Variants in ADAMTSL1 observed in about 807,000 individuals in gnomAD.
The protein encoded by ADAMTSL1 is ADAMTS like 1.
Under a neutral mutation model 201.8 loss-of-function variants are expected in ADAMTSL1, and 126 were observed. The observed-to-expected ratio is 0.62, with a 90% CI of 0.54 to 0.72. The LOEUF is 0.72. Ranked by LOEUF, ADAMTSL1 falls within the 30% of genes least tolerant of loss-of-function variation. ADAMTSL1 has a pLI of 0.00. For missense variants in ADAMTSL1, 2,679 were observed against 2,277.8 expected (o/e 1.18, Z -3.59); for synonymous variants, 1,121 against 903.4 (o/e 1.24, Z -4.32).
At chr9:18,399,232 A>T (rs1389546016) in intron 2 of ADAMTSL1, among the ~76,000 whole-genome samples, 1 of 140,640 alleles carries the variant, frequency 7.1e-6, no homozygotes, top group Non-Finnish European at 1.5e-5. Flanking sequence ...TCACAAACTT[A>T]AGGATTGAAG....
chr9:18,806,091 G>C (rs143129786), intron 20 of ADAMTSL1, among the ~76,000 whole-genome samples: 2 of 152,196 alleles, frequency 1.3e-5, no homozygotes, highest in African/African-American at 2.4e-5. Flanking sequence ...GACTTACAAT[G>C]TTAAAGGAAT....
chr9:18,243,952 C>G (rs1035665567), intron 2 of ADAMTSL1, among the ~76,000 whole-genome samples: 2 of 152,038 alleles, frequency 1.3e-5, no homozygotes, highest in Non-Finnish European at 2.9e-5. Flanking sequence ...CAGTCATATG[C>G]TCTTCTTCAA....
At chr9:18,396,761 A>G (rs912305756) in intron 2 of ADAMTSL1, among the ~76,000 whole-genome samples, 3 of 152,116 alleles carry the variant, frequency 2.0e-5, no homozygotes, top group Admixed American at 1.3e-4. Flanking sequence ...TTTAAACTCT[A>G]TTAGTTCACT....
At chr9:18,254,073 T>A (rs1451801381) in intron 2 of ADAMTSL1, among the ~76,000 whole-genome samples, 2 of 152,160 alleles carry the variant, frequency 1.3e-5, no homozygotes, top group Non-Finnish European at 2.9e-5. Flanking sequence ...GAGCCTGAGC[T>A]CTGGAGTCAG....
rs755381340 is a variant in ADAMTSL1, at chr9:18,817,173, C to T, written c.3870C>T (p.Val1290=). Residue 1290 remains valine, a synonymous_variant, in exon 21 of 29, where the codon GTC becomes GTT. Coordinates refer to ENST00000380548, the MANE Select transcript of ADAMTSL1 (RefSeq NM_001040272.6). ...ACACGGAGAAGCCTGCAGTCACAGT[C>T]GATATAGGAAGCACCATCAAAACAG... ...VINTEKPAVT[V]DIGSTIKTVQ... The T allele has an allele frequency of 2.5e-6, 4 of 1,587,674 alleles. No individual in the cohort carries two copies. The highest frequency in any genetic ancestry group is 1.3e-5 in the African/African-American group (1 of 74,492).
chr9:18,012,564 G>A (rs1215093321), intron 1 of ADAMTSL1, among the ~76,000 whole-genome samples: 2 of 152,026 alleles, frequency 1.3e-5, no homozygotes, highest in Non-Finnish European at 2.9e-5. Context: ...TCCAACTACG[G>A]AATTTAAAAG....
Position 18,508,910 on chromosome 9 carries a change from C to T in ADAMTSL1, c.191+3954C>T, listed in dbSNP as rs975599814. On this transcript the variant is annotated intron_variant, in intron 2 of 28. Coordinates refer to ENST00000380548, the MANE Select transcript of ADAMTSL1 (RefSeq NM_001040272.6). ...TTATAATTTAGAAATAGAGGCCGGGCGCGGTGGCTCACGCCTGTAATCCCA... is the reference window on the plus strand; with the variant it reads ...TTATAATTTAGAAATAGAGGCCGGGTGCGGTGGCTCACGCCTGTAATCCCA... Among the ~76,000 whole-genome samples, 6 of 95,532 alleles carry T rather than the reference C, an allele frequency of 6.3e-5. 1 individual carries two copies. Among genetic ancestry groups the T allele is most frequent in the Non-Finnish European group, 9.0e-5 (4 of 44,400 alleles). The allele number at this position is 95,532 out of a possible 152,430, so 62.7% of individuals were successfully genotyped here.
chr9:18,743,822 G>A (rs1818981182), intron 15 of ADAMTSL1, among the ~76,000 whole-genome samples: 1 of 151,992 alleles, frequency 6.6e-6, no homozygotes, highest in African/African-American at 2.4e-5. Flanking sequence ...TCTTTTCTAG[G>A]CCTCTTTTAA....
At chr9:18,375,128 C>G (rs1441853870) in intron 2 of ADAMTSL1, among the ~76,000 whole-genome samples, 2 of 152,226 alleles carry the variant, frequency 1.3e-5, no homozygotes, top group African/African-American at 2.4e-5. Context: ...CCATAGTACA[C>G]TCACTCCTGA....
At chr9:18,100,777 G>C (rs1824479918) in intron 1 of ADAMTSL1, among the ~76,000 whole-genome samples, 1 of 152,122 alleles carries the variant, frequency 6.6e-6, no homozygotes, top group Admixed American at 6.5e-5. Flanking sequence ...CCAGGATCTT[G>C]TTGTATTCAC....
chr9:18,792,695 T>G (rs1319385547), intron 19 of ADAMTSL1, among the ~76,000 whole-genome samples: 6 of 152,212 alleles, frequency 3.9e-5, no homozygotes, highest in African/African-American at 1.4e-4. Flanking sequence ...AAGCTTTAAA[T>G]CATAAAGTTG....
chr9:18,608,813 T>A (rs1456874033), intron 4 of ADAMTSL1, among the ~76,000 whole-genome samples: 1 of 152,210 alleles, frequency 6.6e-6, no homozygotes, highest in African/African-American at 2.4e-5. Flanking sequence ...TCATTGTTAA[T>A]TCTGATTAAT....
In ADAMTSL1 at chr9:18,430,287, C is replaced by T. The variant is rs565872869; in HGVS notation, c.208-74542C>T. ...AAGTATCTAAGCATGTATTGCAAAGCTTCACCAACAGTATTATTTTTCTGT... is the reference window on the plus strand; with the variant it reads ...AAGTATCTAAGCATGTATTGCAAAGTTTCACCAACAGTATTATTTTTCTGT... On this transcript the variant is annotated intron_variant, in intron 2 of 29. Transcript: ENST00000680146. Among the ~76,000 whole-genome samples, 6 of 152,292 alleles carry T rather than the reference C, an allele frequency of 3.9e-5. No individual in the cohort carries two copies. The East Asian group carries it at 1.2e-3, about 29-fold the overall frequency.
chr9:18,827,162 T>A (rs1440006957), intron 22 of ADAMTSL1, among the ~76,000 whole-genome samples: 1 of 143,044 alleles, frequency 7.0e-6, no homozygotes, highest in African/African-American at 2.6e-5. Context: ...GAGATAAAGT[T>A]AAAAAAAAAA....
intron 20 of ADAMTSL1, among the ~76,000 whole-genome samples, chr9:18,815,337 A>C (rs144262420): frequency 0.019 from 2,900 of 152,058 alleles, 87 homozygotes; most frequent in African/African-American, 0.067. Flanking sequence ...ATGGATAAAG[A>C]AAATATGGTA....
rs1419606157 is a variant in ADAMTSL1, at chr9:18,841,989, C to T, written c.4249+12012C>T. Among the ~76,000 whole-genome samples the T allele has an allele frequency of 2.0e-5, 3 of 151,906 alleles. No homozygotes were observed. In the East Asian group the frequency reaches 5.8e-4, roughly 29 times the overall value. ...TTTGTTGATCCTTTCAAAAAACCAG[C>T]TCCTGGATTCATTAATTTTTTGAAG... On this transcript the variant is annotated intron_variant, in intron 23 of 28. Coordinates refer to ENST00000380548, the MANE Select transcript of ADAMTSL1 (RefSeq NM_001040272.6).
At chr9:18,620,602 C>T (rs961368582) in intron 4 of ADAMTSL1, among the ~76,000 whole-genome samples, 11 of 152,148 alleles carry the variant, frequency 7.2e-5, no homozygotes, top group African/African-American at 2.2e-4. Context: ...TGTAGAAATA[C>T]ACCAAAGAAG....
intron 2 of ADAMTSL1, among the ~76,000 whole-genome samples, chr9:18,369,814 C>T (rs1836962224): frequency 6.6e-6 from 1 of 152,128 alleles, no homozygotes; most frequent in East Asian, 1.9e-4. Context: ...TACTATGCAG[C>T]CGTAAGGAAG....
chr9:18,804,051 T>C (rs946591530), intron 20 of ADAMTSL1, among the ~76,000 whole-genome samples: 1 of 152,204 alleles, frequency 6.6e-6, no homozygotes, highest in Non-Finnish European at 1.5e-5. Flanking sequence ...TATGAACCTC[T>C]TTCCCGTTAT....
Sources: gnomAD v4.1 joint callset for allele counts (sites outside exome capture counted in the v4.1 genomes callset) on GRCh38, gnomAD v4.1.1 for gene constraint, MANE v1.5 for transcripts, NCBI Gene and HGNC (gene_info 2026-07-23, HGNC 2026-07-21) for gene names.